SHISA9: variants seen among roughly 807,000 people sequenced by gnomAD.
SHISA9 encodes the protein protein shisa-9.
A neutral mutation model predicts 38.0 loss-of-function variants in SHISA9; 13 were observed. The ratio of observed to expected loss-of-function variants is 0.34; its 90% confidence interval spans 0.22 to 0.54. The LOEUF (loss-of-function observed/expected upper bound fraction) is 0.54, where lower values mean the gene tolerates loss of function less well. Ranked by LOEUF, SHISA9 falls within the 20% of genes least tolerant of loss-of-function variation. SHISA9 has a pLI of 0.91. For missense variants in SHISA9, 538 were observed against 575.8 expected, an observed-to-expected ratio of 0.93 and a Z score of 0.67; for synonymous variants, 275 against 242.0, an observed-to-expected ratio of 1.14 and a Z score of -1.27.
At chr16:13,303,750 C>CA in the SHISA9 span, among the ~76,000 whole-genome samples, 1 of 152,098 alleles carries the variant, frequency 6.6e-6, no homozygotes, top group African/African-American at 2.4e-5. Flanking sequence ...TTGCTATATG[C>CA]ATTTTACCAA....
At chr16:13,487,609 T>C in the SHISA9 span, among the ~76,000 whole-genome samples, 8 of 152,214 alleles carry the variant, frequency 5.3e-5, no homozygotes, top group African/African-American at 1.9e-4. Context: ...CTCCAACATT[T>C]GGGATTATAA....
intron 2 of SHISA9, among the ~76,000 whole-genome samples, chr16:13,136,907 C>T (rs899268801): frequency 1.8e-4 from 28 of 152,128 alleles, no homozygotes; most frequent in African/African-American, 6.5e-4. Context: ...AAGCTCTTCT[C>T]GGTCATTGGC....
intron 4 of SHISA9, among the ~76,000 whole-genome samples, chr16:13,226,522 C>T (rs947022279): frequency 4.6e-5 from 7 of 152,316 alleles, no homozygotes; most frequent in Non-Finnish European, 8.8e-5. Flanking sequence ...TGAAGCTACT[C>T]GGCTCCTTCT....
intron 2 of SHISA9, among the ~76,000 whole-genome samples, chr16:13,012,765 C>A (rs999064164): frequency 6.6e-6 from 1 of 152,110 alleles, no homozygotes; most frequent in African/African-American, 2.4e-5. Flanking sequence ...ATACTTACAC[C>A]ACTTGCCCAT....
chr16:13,299,628 T>C, the SHISA9 span, among the ~76,000 whole-genome samples: 11 of 151,200 alleles, frequency 7.3e-5, no homozygotes, highest in Admixed American at 2.0e-4. Flanking sequence ...GCAGGAGAAT[T>C]GCTTGAACTG....
chr16:13,134,206 G>C (rs538744360), intron 2 of SHISA9, among the ~76,000 whole-genome samples: 2 of 152,186 alleles, frequency 1.3e-5, no homozygotes, highest in Admixed American at 1.3e-4. Flanking sequence ...AACCTGTCTG[G>C]GTCTCAGTTT....
At chr16:13,440,182 G>T in the SHISA9 span, among the ~76,000 whole-genome samples, 1 of 152,168 alleles carries the variant, frequency 6.6e-6, no homozygotes, top group Non-Finnish European at 1.5e-5. Context: ...GTATGTGGGT[G>T]GGGGTGGAAG....
At position 12,902,589 on chromosome 16, in the gene SHISA9, G is replaced by A; in HGVS notation, c.525G>A (p.Leu175=). 1.3e-6 allele frequency: 2 copies of A among 1,551,042 alleles called. No homozygotes were observed. The highest frequency in any genetic ancestry group is 1.7e-6 in the Non-Finnish European group (2 of 1,146,962). Residue 175 remains leucine, a synonymous_variant, in exon 1 of 5, where the codon CTG becomes CTA. Transcript: ENST00000558583. ...TGGGCATCTTCACCAAGCTGGGGCT[G>A]GAGAAAGCGCACCGGCCCCAAAGGG... The part of the protein sequence containing the change: ...VLVGIFTKLG[L]EKAHRPQREH...
At chr16:13,183,780 C>T (rs183914733) in intron 2 of SHISA9, among the ~76,000 whole-genome samples, 1 of 152,150 alleles carries the variant, frequency 6.6e-6, no homozygotes, top group African/African-American at 2.4e-5. Flanking sequence ...TCTAATTGCT[C>T]TCTTGGCTCT....
the SHISA9 span, among the ~76,000 whole-genome samples, chr16:13,433,054 C>T: frequency 6.6e-6 from 1 of 151,552 alleles, no homozygotes; most frequent in African/African-American, 2.4e-5. Flanking sequence ...CACTTGTAAC[C>T]CTGAACTTAA....
At chr16:13,159,370 A>G (rs1201634536) in intron 2 of SHISA9, among the ~76,000 whole-genome samples, 1 of 152,158 alleles carries the variant, frequency 6.6e-6, no homozygotes, top group Non-Finnish European at 1.5e-5. Flanking sequence ...GGAAGAGGAA[A>G]GACTGCCTTT....
At chr16:13,407,048 A>G in the SHISA9 span, among the ~76,000 whole-genome samples, 5 of 148,034 alleles carry the variant, frequency 3.4e-5, no homozygotes, top group Non-Finnish European at 7.4e-5. Flanking sequence ...AGCCTGGGCA[A>G]CAAGAGTGAA....
At chr16:13,165,670 G>A (rs1419460601) in intron 2 of SHISA9, among the ~76,000 whole-genome samples, 1 of 152,212 alleles carries the variant, frequency 6.6e-6, no homozygotes, top group African/African-American at 2.4e-5. Flanking sequence ...TCTGTCTTCA[G>A]TCAGCTCACA....
intron 2 of SHISA9, among the ~76,000 whole-genome samples, chr16:13,171,387 A>T (rs577042080): frequency 8.6e-5 from 13 of 151,768 alleles, no homozygotes; most frequent in Admixed American, 7.9e-4. Flanking sequence ...TCAACAAATC[A>T]CAGAGACTGG....
chr16:12,963,123 G>A (rs1225084260), intron 2 of SHISA9, among the ~76,000 whole-genome samples: 1 of 152,192 alleles, frequency 6.6e-6, no homozygotes, highest in Non-Finnish European at 1.5e-5. Context: ...TGCAGTCAGA[G>A]GTGCCTGAGG....
At chr16:13,147,461 C>CT (rs55972023) in intron 2 of SHISA9, among the ~76,000 whole-genome samples, 2,136 of 65,042 alleles carry the variant, frequency 0.033, 35 homozygotes, top group African/African-American at 0.041. Flanking sequence ...GTAAACTGAG[C>CT]TTTTTTTTTT....
the SHISA9 span, among the ~76,000 whole-genome samples, chr16:13,350,947 T>A: frequency 1.2e-4 from 19 of 152,304 alleles, no homozygotes; most frequent in Non-Finnish European, 2.5e-4. Context: ...CCGCAATATT[T>A]TCTACCGACA....
intron 2 of SHISA9, among the ~76,000 whole-genome samples, chr16:12,938,340 T>C (rs1457664190): frequency 6.6e-6 from 1 of 152,188 alleles, no homozygotes; most frequent in African/African-American, 2.4e-5. Context: ...GCTAGACAAG[T>C]CTTACACATT....
chr16:13,149,043 C>G (rs981606229), intron 2 of SHISA9, among the ~76,000 whole-genome samples: 1 of 152,086 alleles, frequency 6.6e-6, no homozygotes, highest in African/African-American at 2.4e-5. Context: ...AGCAGGTGTT[C>G]TAGGCAAAGG....
Sources: gnomAD v4.1 joint callset for allele counts (sites outside exome capture counted in the v4.1 genomes callset) on GRCh38, gnomAD v4.1.1 for gene constraint, MANE v1.5 for transcripts, NCBI Gene and HGNC (gene_info 2026-07-23, HGNC 2026-07-21) for gene names.